The following OR9Q1 variants were observed in gnomAD, a reference collection of about 807,000 sequenced individuals.
The protein encoded by OR9Q1 is olfactory receptor family 9 subfamily Q member 1, also known as olfactory receptor 9Q1.
For synonymous variants in OR9Q1, 153 were observed against 148.6 expected (o/e 1.03, Z -0.22); for missense variants, 374 against 378.8 (o/e 0.99, Z 0.11).
intron 2 of OR9Q1, among the ~76,000 whole-genome samples, chr11:58,105,108 A>G (rs561054555): frequency 6.6e-6 from 1 of 151,572 alleles, no homozygotes; most frequent in African/African-American, 2.4e-5. Context: ...TTACAGAGTT[A>G]TTAAATAGCA....
intron 2 of OR9Q1, among the ~76,000 whole-genome samples, chr11:58,157,162 C>G (rs1386852023): frequency 6.6e-6 from 1 of 152,112 alleles, no homozygotes; most frequent in Non-Finnish European, 1.5e-5. Context: ...TCCAGTCATT[C>G]AAATACCTGA....
At chr11:58,152,881 A>C (rs1269007199) in intron 2 of OR9Q1, among the ~76,000 whole-genome samples, 1 of 152,176 alleles carries the variant, frequency 6.6e-6, no homozygotes, top group Non-Finnish European at 1.5e-5. Flanking sequence ...TGCACGCATG[A>C]CAGTGCAAGT....
chr11:58,146,417 AT>A (rs1854299523), intron 2 of OR9Q1, among the ~76,000 whole-genome samples: 1 of 152,178 alleles, frequency 6.6e-6, no homozygotes, highest in East Asian at 1.9e-4. Context: ...AATTCAGCAA[AT>A]ATATGCTATC....
intron 2 of OR9Q1, among the ~76,000 whole-genome samples, chr11:58,131,924 A>T (rs1297655731): frequency 6.6e-6 from 1 of 152,164 alleles, no homozygotes; most frequent in East Asian, 1.9e-4. Context: ...ATTTCAATTT[A>T]AAAAAATACC....
intron 2 of OR9Q1, among the ~76,000 whole-genome samples, chr11:58,133,117 G>A (rs1388765475): frequency 1.3e-5 from 2 of 152,174 alleles, no homozygotes; most frequent in South Asian, 2.1e-4. Context: ...GGTGAGCATG[G>A]CCATAGTAGA....
intron 2 of OR9Q1, among the ~76,000 whole-genome samples, chr11:58,175,274 G>A (rs1854594011): frequency 6.6e-6 from 1 of 152,108 alleles, no homozygotes. Flanking sequence ...AGTGGAGTCA[G>A]ATGGTAGCGG....
intron 2 of OR9Q1, among the ~76,000 whole-genome samples, chr11:58,155,776 T>C (rs1460238273): frequency 6.6e-6 from 1 of 152,210 alleles, no homozygotes; most frequent in Non-Finnish European, 1.5e-5. Context: ...TGACAGAATA[T>C]CAGCTCAGAC....
At chr11:58,085,311 T>G (rs574595855) in intron 2 of OR9Q1, among the ~76,000 whole-genome samples, 1 of 152,016 alleles carries the variant, frequency 6.6e-6, no homozygotes, top group South Asian at 2.1e-4. Context: ...TACATACCTG[T>G]GAGACCATCA....
chr11:58,063,708 G>T (rs1565065540), intron 2 of OR9Q1, among the ~76,000 whole-genome samples: 1 of 120,738 alleles, frequency 8.3e-6, no homozygotes, highest in African/African-American at 3.9e-5. Context: ...TTTAATTTTT[G>T]GGGGGGTGAG....
At chr11:58,025,284 C>T (rs1031723395) in intron 1 of OR9Q1, among the ~76,000 whole-genome samples, 1 of 152,198 alleles carries the variant, frequency 6.6e-6, no homozygotes, top group African/African-American at 2.4e-5. Flanking sequence ...AGAGATTCTC[C>T]TGCCTCAGCC....
At chr11:58,172,030 C>A (rs1854560316) in intron 2 of OR9Q1, among the ~76,000 whole-genome samples, 1 of 152,062 alleles carries the variant, frequency 6.6e-6, no homozygotes, top group Non-Finnish European at 1.5e-5. Flanking sequence ...TAACATTGAG[C>A]AAAATGGGAT....
intron 2 of OR9Q1, among the ~76,000 whole-genome samples, chr11:58,066,319 T>C (rs912876328): frequency 6.6e-6 from 1 of 152,066 alleles, no homozygotes; most frequent in African/African-American, 2.4e-5. Flanking sequence ...CCAGATAGTG[T>C]CCACCATGGA....
At chr11:58,118,605 C>A (rs1417976284) in intron 2 of OR9Q1, 4 of 1,613,948 alleles carry the variant, frequency 2.5e-6, no homozygotes, top group Non-Finnish European at 3.4e-6. Context: ...TGGGGATGAC[C>A]ACTGTATAGA....
chr11:58,028,865 C>T (rs555111907), intron 1 of OR9Q1, among the ~76,000 whole-genome samples: 35 of 152,260 alleles, frequency 2.3e-4, no homozygotes, highest in South Asian at 6.2e-4. Flanking sequence ...CTTTCATTGC[C>T]AGGAATTCTG....
At chr11:58,046,708 A>G (rs1052448290) in intron 1 of OR9Q1, among the ~76,000 whole-genome samples, 3 of 152,124 alleles carry the variant, frequency 2.0e-5, no homozygotes, top group African/African-American at 7.2e-5. Context: ...CTAAAAATAC[A>G]AAAAGTTAGC....
chr11:58,025,019 T>C (rs1852957469), intron 1 of OR9Q1, among the ~76,000 whole-genome samples: 1 of 152,230 alleles, frequency 6.6e-6, no homozygotes, highest in Non-Finnish European at 1.5e-5. Flanking sequence ...GTTTACTTAC[T>C]GTCTCTCTGA....
intron 1 of OR9Q1, among the ~76,000 whole-genome samples, chr11:58,028,760 G>GACTTCCCA (rs1853000531): frequency 6.6e-6 from 1 of 152,244 alleles, no homozygotes; most frequent in Non-Finnish European, 1.5e-5. Flanking sequence ...AATGTTTATA[G>GACTTCCCA]ACTTCCCACT....
chr11:58,155,584 G>C (rs373213458), intron 2 of OR9Q1, among the ~76,000 whole-genome samples: 6 of 152,180 alleles, frequency 3.9e-5, no homozygotes, highest in Admixed American at 2.6e-4. Flanking sequence ...ATCCAAGATA[G>C]TGTCTTTAAC....
intron 2 of OR9Q1, among the ~76,000 whole-genome samples, chr11:58,068,247 C>T: frequency 6.6e-6 from 1 of 151,268 alleles, no homozygotes; most frequent in East Asian, 1.9e-4. Flanking sequence ...ACTCAGGAGA[C>T]TGAGGCAGGA....
Sources: allele counts gnomAD v4.1 joint callset (sites outside exome capture counted in the v4.1 genomes callset), GRCh38; gene constraint gnomAD v4.1.1; transcripts MANE v1.5; gene names NCBI Gene and HGNC (gene_info 2026-07-23, HGNC 2026-07-21).